DOCK3: variants seen among roughly 807,000 people sequenced by gnomAD.
The protein encoded by DOCK3 is dedicator of cytokinesis protein 3.
Under a neutral mutation model 265.6 loss-of-function variants are expected in DOCK3, and 60 were observed. That is an observed-to-expected ratio of 0.23 (90% CI 0.18 to 0.28). The LOEUF (loss-of-function observed/expected upper bound fraction) is 0.28. Among genes scored for constraint, DOCK3 ranks in the 10% least tolerant of loss-of-function variants. The probability of loss-of-function intolerance (pLI) is 1.00; values close to 1 mark genes in which losing one functional copy is unlikely to be tolerated. For synonymous variants in DOCK3, 881 were observed against 938.0 expected (o/e 0.94, Z 1.11); for missense variants, 1,981 against 2,594.3 (o/e 0.76, Z 5.14).
intron 1 of DOCK3, among the ~76,000 whole-genome samples, chr3:50,742,719 A>T (rs1314049428): frequency 1.3e-5 from 2 of 152,208 alleles, no homozygotes; most frequent in Admixed American, 6.5e-5. Flanking sequence ...TCTACGTCTG[A>T]TTGGTGTACC....
intron 5 of DOCK3, among the ~76,000 whole-genome samples, chr3:50,974,668 T>G (rs1415834370): frequency 9.6e-5 from 8 of 83,110 alleles, no homozygotes; most frequent in Non-Finnish European, 1.3e-4. Context: ...TTTTTCCAAT[T>G]CTGTGAAGAA....
chr3:51,360,374 G>A, intron 46 of DOCK3, 137 bp from the exon 47 acceptor site: 1 of 1,154,224 alleles, frequency 8.7e-7, no homozygotes, highest in Non-Finnish European at 1.2e-6. Context: ...AAGGAAGTCA[G>A]CAGTTCAGGT....
intron 5 of DOCK3, among the ~76,000 whole-genome samples, chr3:50,986,209 G>A (rs916995732): frequency 6.6e-6 from 1 of 152,178 alleles, no homozygotes; most frequent in Non-Finnish European, 1.5e-5. Context: ...TTATCCTAGA[G>A]TGTATAAAGA....
chr3:51,012,775 G>A (rs572409970), intron 5 of DOCK3, among the ~76,000 whole-genome samples: 32 of 152,192 alleles, frequency 2.1e-4, no homozygotes, highest in Admixed American at 7.8e-4. Context: ...GTTCCTATTC[G>A]GCCATCTTTG....
At chr3:51,175,154 G>C (rs1052442262) in intron 12 of DOCK3, among the ~76,000 whole-genome samples, 9 of 152,210 alleles carry the variant, frequency 5.9e-5, no homozygotes, top group Non-Finnish European at 1.0e-4. Flanking sequence ...CAGGGACCAA[G>C]GTCTTCAGGC....
chr3:51,169,650 C>A (rs193224844), intron 12 of DOCK3, among the ~76,000 whole-genome samples: 242 of 151,828 alleles, frequency 1.6e-3, no homozygotes, highest in Non-Finnish European at 2.6e-3. Flanking sequence ...GGCCTAGTAC[C>A]TGGGTAATGA....
intron 9 of DOCK3, among the ~76,000 whole-genome samples, chr3:51,094,637 G>A (rs1432348480): frequency 6.6e-6 from 1 of 151,154 alleles, no homozygotes; most frequent in Non-Finnish European, 1.5e-5. Flanking sequence ...TGATTTTTTT[G>A]AAGAGTTTTT....
At chr3:51,257,586 C>G (rs1257027812) in intron 22 of DOCK3, among the ~76,000 whole-genome samples, 1 of 152,172 alleles carries the variant, frequency 6.6e-6, no homozygotes, top group African/African-American at 2.4e-5. Flanking sequence ...TAGCACACTT[C>G]ACTGCTGAGC....
rs552719857 is a variant in DOCK3, at chr3:50,683,255, T to C, written c.37+7955T>C. On this transcript the variant is annotated intron_variant, in intron 1 of 52. Coordinates refer to ENST00000266037, the MANE Select transcript of DOCK3 (RefSeq NM_004947.5). ...AGAAATGTAAAATTTTAGTTTCATT[T>C]AAAAAGTATTTTATATTTCCGTTAA... Among the ~76,000 whole-genome samples, 4 of 152,380 alleles carry C rather than the reference T, an allele frequency of 2.6e-5. No homozygotes were observed. In the South Asian group the frequency reaches 8.3e-4, roughly 32 times the overall value.
At chr3:50,879,336 A>G (rs2047900228) in intron 3 of DOCK3, among the ~76,000 whole-genome samples, 1 of 152,230 alleles carries the variant, frequency 6.6e-6, no homozygotes, top group African/African-American at 2.4e-5. Context: ...AGACTGGCAA[A>G]TTGCATAAAG....
chr3:51,166,076 G>T, intron 12 of DOCK3, among the ~76,000 whole-genome samples: 1 of 142,584 alleles, frequency 7.0e-6, no homozygotes, highest in Non-Finnish European at 1.5e-5. Context: ...TTGAGACAGA[G>T]TCTCACACTT....
intron 5 of DOCK3, among the ~76,000 whole-genome samples, chr3:50,987,543 G>A (rs1190764217): frequency 6.6e-6 from 1 of 152,086 alleles, no homozygotes; most frequent in Non-Finnish European, 1.5e-5. Context: ...AAATTTGGTG[G>A]GGGGAGTGGC....
At chr3:50,948,135 C>T (rs58720544) in intron 5 of DOCK3, among the ~76,000 whole-genome samples, 10,433 of 149,480 alleles carry the variant, frequency 0.07, 925 homozygotes, top group East Asian at 0.33. Context: ...CGGCTCACTG[C>T]AAGCTCCACC....
At chr3:50,974,469 T>A (rs1404625868) in intron 5 of DOCK3, among the ~76,000 whole-genome samples, 29 of 146,334 alleles carry the variant, frequency 2.0e-4, no homozygotes, top group Middle Eastern at 7.0e-3. Context: ...GCGTTATTTC[T>A]GAGGGCTCTG....
chr3:50,958,024 A>C (rs1175162672), intron 5 of DOCK3, among the ~76,000 whole-genome samples: 1 of 151,870 alleles, frequency 6.6e-6, no homozygotes. Flanking sequence ...TTTCTCTCCT[A>C]TCCTGCAGAC....
At position 51,246,803 on chromosome 3, in the gene DOCK3, T is replaced by C. The variant is rs2078862660; in HGVS notation, c.2180T>C (p.Met727Thr). ...CGACAGGACCACATTCAAGAAGCTA[T>C]GCGGGTAATGTACTAACCTCTCCAT... The part of the protein sequence containing the change: ...LIRQDHIQEA[M>T]RALEYLFKFI... Residue 727 changes from methionine to threonine, a missense_variant, in exon 22 of 53, where the codon ATG becomes ACG. Transcript: ENST00000266037. 2.5e-6 allele frequency: 4 copies of C among 1,612,672 alleles called. No individual in the cohort carries two copies. The highest frequency in any genetic ancestry group is 2.5e-6 in the Non-Finnish European group (3 of 1,179,402).
At chr3:51,188,111 A>T (rs1167360815) in intron 12 of DOCK3, among the ~76,000 whole-genome samples, 2 of 152,170 alleles carry the variant, frequency 1.3e-5, no homozygotes, top group Admixed American at 6.5e-5. Flanking sequence ...AATGCTCAAC[A>T]TAGTCTTTTG....
At chr3:50,901,659 T>C (rs920647674) in intron 4 of DOCK3, 26 of 454,004 alleles carry the variant, frequency 5.7e-5, no homozygotes, top group Non-Finnish European at 1.0e-4. Flanking sequence ...AAAAGCATAG[T>C]AACTGGGCTG....
At position 51,013,562 on chromosome 3, in the gene DOCK3, C is replaced by T. The variant is rs112950704; in HGVS notation, c.316-50886C>T. ...GGAAGCTTTGTCTCAGAGGGGCATC[C>T]GGCTGTATGAAGTGTCAGTCAGCCC... On this transcript the variant is annotated intron_variant, in intron 5 of 52. Coordinates refer to ENST00000266037, the MANE Select transcript of DOCK3 (RefSeq NM_004947.5). 2.2e-3 allele frequency among the ~76,000 whole-genome samples: 342 copies of T among 152,242 alleles called. 4 individuals carry two copies. Among genetic ancestry groups the T allele is most frequent in the East Asian group, 7.9e-3 (41 of 5,176 alleles).
Sources: allele counts gnomAD v4.1 joint callset (sites outside exome capture counted in the v4.1 genomes callset), GRCh38; gene constraint gnomAD v4.1.1; transcripts MANE v1.5; gene names NCBI Gene and HGNC (gene_info 2026-07-23, HGNC 2026-07-21).